Variants in SPAG16 observed in about 807,000 individuals in gnomAD.
SPAG16 encodes the protein sperm-associated antigen 16 protein.
SPAG16 carries 86 observed loss-of-function variants against 80.4 expected under a neutral mutation model. The observed-to-expected ratio is 1.07, with a 90% CI of 0.90 to 1.28. The LOEUF is 1.28. SPAG16 is among the 50% of genes most tolerant of loss of function. The pLI, the probability that SPAG16 is intolerant of heterozygous loss-of-function variation, is 0.00. For synonymous variants in SPAG16, 294 were observed against 265.9 expected (o/e 1.11, Z -1.03); for missense variants, 870 against 765.3 (o/e 1.14, Z -1.61).
chr2:214,258,471 G>GTATGTATATATATATATA (rs1553539129), intron 15 of SPAG16, among the ~76,000 whole-genome samples: 2 of 141,416 alleles, frequency 1.4e-5, no homozygotes, highest in Non-Finnish European at 3.0e-5. Context: ...ATGTGTGTGT[G>GTATGTATATATATATATA]TATATATATA....
chr2:213,442,032 C>A (rs866079134), intron 9 of SPAG16, among the ~76,000 whole-genome samples: 11 of 152,288 alleles, frequency 7.2e-5, no homozygotes, highest in African/African-American at 2.4e-4. Flanking sequence ...CCTATAATCC[C>A]AGCTACTCGG....
At chr2:213,658,772 C>T (rs2063313353) in intron 10 of SPAG16, among the ~76,000 whole-genome samples, 2 of 152,228 alleles carry the variant, frequency 1.3e-5, no homozygotes, top group African/African-American at 4.8e-5. Context: ...GGCACTGTGG[C>T]TCACGCTTGT....
At chr2:214,265,024 C>A (rs1212566618) in intron 15 of SPAG16, among the ~76,000 whole-genome samples, 1 of 152,118 alleles carries the variant, frequency 6.6e-6, no homozygotes, top group East Asian at 1.9e-4. Flanking sequence ...TTTATCATTT[C>A]ACCTATTGAA....
intron 15 of SPAG16, among the ~76,000 whole-genome samples, chr2:214,151,039 A>C (rs1277670360): frequency 1.3e-5 from 2 of 152,128 alleles, no homozygotes; most frequent in African/African-American, 4.8e-5. Context: ...TCTAATGAAA[A>C]CACTTTATCA....
chr2:214,000,717 A>T (rs1175771976), intron 12 of SPAG16, among the ~76,000 whole-genome samples: 1 of 152,186 alleles, frequency 6.6e-6, no homozygotes, highest in African/African-American at 2.4e-5. Context: ...AATAAACAGG[A>T]TAATGTGATA....
chr2:213,551,002 G>A (rs1015392487), intron 10 of SPAG16, among the ~76,000 whole-genome samples: 1 of 151,982 alleles, frequency 6.6e-6, no homozygotes, highest in African/African-American at 2.4e-5. Flanking sequence ...TTGAGAGATA[G>A]CTCATGAAAT....
chr2:213,736,187 T>C (rs1160523000), intron 10 of SPAG16, among the ~76,000 whole-genome samples: 2 of 152,220 alleles, frequency 1.3e-5, no homozygotes, highest in Admixed American at 6.5e-5. Context: ...GTTTCTTTAA[T>C]AGAGTGAATA....
At chr2:214,076,035 A>T (rs140222750) in intron 13 of SPAG16, among the ~76,000 whole-genome samples, 1,710 of 152,266 alleles carry the variant, frequency 0.011, 18 homozygotes, top group Non-Finnish European at 0.017. Context: ...ACATGTGAAC[A>T]TCTCTTTTAT....
chr2:214,056,316 C>T (rs376228390), intron 13 of SPAG16, among the ~76,000 whole-genome samples: 11 of 148,140 alleles, frequency 7.4e-5, no homozygotes, highest in African/African-American at 2.7e-4. Context: ...CACACACACG[C>T]ATAGAGAGAG....
intron 10 of SPAG16, among the ~76,000 whole-genome samples, chr2:213,516,923 A>G (rs1001138216): frequency 4.6e-5 from 7 of 152,214 alleles, no homozygotes; most frequent in Non-Finnish European, 7.4e-5. Context: ...GTGATCTACC[A>G]TCACCGTTTG....
chr2:214,148,738 T>TA (rs2055794726), intron 14 of SPAG16, among the ~76,000 whole-genome samples: 1 of 152,132 alleles, frequency 6.6e-6, no homozygotes. Flanking sequence ...TCACAGTTTT[T>TA]ATGTGTCACA....
intron 9 of SPAG16, among the ~76,000 whole-genome samples, chr2:213,414,287 G>C (rs1332354391): frequency 6.6e-6 from 1 of 152,024 alleles, no homozygotes; most frequent in African/African-American, 2.4e-5. Flanking sequence ...TAATTACTTG[G>C]AAACAATTTT....
intron 11 of SPAG16, among the ~76,000 whole-genome samples, chr2:213,919,496 A>G (rs2078113889): frequency 6.6e-6 from 1 of 152,168 alleles, no homozygotes. Context: ...CTTGGTTCTC[A>G]TTAGTTTCAA....
intron 13 of SPAG16, among the ~76,000 whole-genome samples, chr2:214,068,565 A>C (rs2050638406): frequency 6.6e-6 from 1 of 152,154 alleles, no homozygotes; most frequent in South Asian, 2.1e-4. Flanking sequence ...AAGGATAAAT[A>C]AAAATGTAAA....
intron 3 of SPAG16, among the ~76,000 whole-genome samples, chr2:213,297,644 C>T (rs72935154): frequency 0.21 from 31,822 of 152,100 alleles, 4,324 homozygotes; most frequent in Non-Finnish European, 0.31. Context: ...CAATAATTTT[C>T]AACATTTATG....
At chr2:213,574,604 C>T (rs960894894) in intron 10 of SPAG16, among the ~76,000 whole-genome samples, 1 of 150,080 alleles carries the variant, frequency 6.7e-6, no homozygotes, top group Admixed American at 6.7e-5. Flanking sequence ...AATCCCTCAC[C>T]CTTACTCACT....
At chr2:214,249,481 A>G (rs1690093566) in intron 15 of SPAG16, among the ~76,000 whole-genome samples, 1 of 152,078 alleles carries the variant, frequency 6.6e-6, no homozygotes, top group Admixed American at 6.6e-5. Context: ...GGACATGGGG[A>G]GGAAGGGAAA....
At chr2:214,332,955 A>G (rs1559220177) in intron 15 of SPAG16, among the ~76,000 whole-genome samples, 1 of 152,212 alleles carries the variant, frequency 6.6e-6, no homozygotes, top group Non-Finnish European at 1.5e-5. Flanking sequence ...CTCAATTTTA[A>G]CAAAGAAAGT....
chr2:213,903,800 A>T (rs1305161281), intron 11 of SPAG16, among the ~76,000 whole-genome samples: 1 of 152,152 alleles, frequency 6.6e-6, no homozygotes, highest in Non-Finnish European at 1.5e-5. Flanking sequence ...AATGTTTTTT[A>T]ACAGCACCCA....
Sources: allele counts gnomAD v4.1 joint callset (sites outside exome capture counted in the v4.1 genomes callset), GRCh38; gene constraint gnomAD v4.1.1; transcripts MANE v1.5; gene names NCBI Gene and HGNC (gene_info 2026-07-23, HGNC 2026-07-21).